Variants in TUSC3 observed in about 807,000 individuals in gnomAD.
TUSC3 encodes dolichyl-diphosphooligosaccharide--protein glycosyltransferase subunit TUSC3.
TUSC3 carries 45 observed loss-of-function variants against 44.8 expected under a neutral mutation model. The ratio of observed to expected loss-of-function variants is 1.00; its 90% CI spans 0.79 to 1.29. TUSC3 has a LOEUF of 1.29. Ranked by LOEUF, TUSC3 falls within the 50% of genes most tolerant of loss-of-function variation. The pLI, the probability that TUSC3 is intolerant of heterozygous loss-of-function variation, is 0.00. For missense variants in TUSC3, 519 were observed against 437.9 expected, an observed-to-expected ratio of 1.19 and a Z score of -1.65; for synonymous variants, 212 against 152.9, an observed-to-expected ratio of 1.39 and a Z score of -2.85.
chr8:15,824,226 C>G, the TUSC3 span, among the ~76,000 whole-genome samples: 3 of 151,950 alleles, frequency 2.0e-5, no homozygotes, highest in African/African-American at 4.8e-5. Flanking sequence ...TATTAATATC[C>G]GATTATTACC....
the TUSC3 span, among the ~76,000 whole-genome samples, chr8:15,805,790 T>C: frequency 3.9e-5 from 6 of 152,250 alleles, no homozygotes; most frequent in South Asian, 1.2e-3. Context: ...TGTTGTGTCC[T>C]GTGAGGTTTT....
chr8:15,726,185 A>G (rs1368187074), intron 6 of TUSC3, among the ~76,000 whole-genome samples: 1 of 152,168 alleles, frequency 6.6e-6, no homozygotes, highest in Non-Finnish European at 1.5e-5. Context: ...AATCAGGTTT[A>G]TTTCACATAC....
chr8:15,844,562 GT>G, the TUSC3 span, among the ~76,000 whole-genome samples: 1 of 152,094 alleles, frequency 6.6e-6, no homozygotes, highest in Non-Finnish European at 1.5e-5. Flanking sequence ...TCAGATTTAT[GT>G]TACTTTTTTC....
At chr8:15,468,623 A>G (rs1800445746) in intron 1 of TUSC3, among the ~76,000 whole-genome samples, 1 of 152,168 alleles carries the variant, frequency 6.6e-6, no homozygotes, top group African/African-American at 2.4e-5. Context: ...GGGCTTTAGT[A>G]ATAATCATCT....
At chr8:15,553,772 G>A (rs1335202051) in intron 1 of TUSC3, among the ~76,000 whole-genome samples, 1 of 151,672 alleles carries the variant, frequency 6.6e-6, no homozygotes, top group African/African-American at 2.4e-5. Context: ...GTGGTAGCTG[G>A]AGAAGAAGCT....
chr8:15,588,740 G>T (rs1415032387), intron 1 of TUSC3, among the ~76,000 whole-genome samples: 1 of 152,106 alleles, frequency 6.6e-6, no homozygotes, highest in Non-Finnish European at 1.5e-5. Flanking sequence ...TATGGTGAGA[G>T]ACAGGGTCCA....
At chr8:15,418,097 C>A (rs139516604) in intron 1 of TUSC3, among the ~76,000 whole-genome samples, 1 of 152,128 alleles carries the variant, frequency 6.6e-6, no homozygotes, top group Non-Finnish European at 1.5e-5. Flanking sequence ...TATTTTATGT[C>A]AAGGAAACCA....
chr8:15,710,722 A>G (rs1346458330), intron 6 of TUSC3, among the ~76,000 whole-genome samples: 3 of 151,494 alleles, frequency 2.0e-5, no homozygotes, highest in Non-Finnish European at 4.4e-5. Context: ...CTACAGAAAC[A>G]TATATAGGCA....
chr8:15,459,484 C>T lies in TUSC3; in HGVS notation n.92-23902C>T, dbSNP rs115816309. Among the ~76,000 whole-genome samples the T allele has an allele frequency of 2.0e-3, 301 of 151,368 alleles. 1 individual carries two copies. Among genetic ancestry groups the T allele is most frequent in the African/African-American group, 6.9e-3 (284 of 41,228 alleles). ...TATTTGATAATATTTTTTATTTTTC[C>T]GTAGGTTATTAGGGTACAGGTGGTG... is the stretch of plus-strand genomic sequence containing the variant. On this transcript the variant is annotated intron_variant and non_coding_transcript_variant, in intron 1 of 5. Transcript: ENST00000503191.
the TUSC3 span, among the ~76,000 whole-genome samples, chr8:15,819,854 C>G: frequency 6.6e-6 from 1 of 152,196 alleles, no homozygotes; most frequent in African/African-American, 2.4e-5. Flanking sequence ...TGATAAAAGA[C>G]AGAAGTGGGA....
intron 7 of TUSC3, among the ~76,000 whole-genome samples, chr8:15,736,868 G>C (rs1810959763): frequency 6.6e-6 from 1 of 152,064 alleles, no homozygotes; most frequent in South Asian, 2.1e-4. Flanking sequence ...CTGTATGAGT[G>C]GATATAGAAC....
chr8:15,749,535 T>C (rs1380238612), intron 9 of TUSC3, among the ~76,000 whole-genome samples: 2 of 151,928 alleles, frequency 1.3e-5, no homozygotes, highest in Non-Finnish European at 2.9e-5. Context: ...GAAATGTGGG[T>C]ATCAGATTTT....
chr8:15,470,771 T>C (rs1377478310), intron 1 of TUSC3, among the ~76,000 whole-genome samples: 1 of 152,102 alleles, frequency 6.6e-6, no homozygotes, highest in Non-Finnish European at 1.5e-5. Context: ...TTTCTCCAGT[T>C]CCTCTGGTTT....
chr8:15,529,940 G>GGCACCCACCACC (rs1563275380), intron 2 of TUSC3, among the ~76,000 whole-genome samples: 1 of 8,958 alleles, frequency 1.1e-4, no homozygotes, highest in East Asian at 1.6e-3. Flanking sequence ...TGGGACTACA[G>GGCACCCACCACC]GCGCCCGGCT....
At chr8:15,617,775 G>A (rs940336859) in intron 1 of TUSC3, among the ~76,000 whole-genome samples, 1 of 152,092 alleles carries the variant, frequency 6.6e-6, no homozygotes, top group African/African-American at 2.4e-5. Context: ...TTAAAGTTTG[G>A]TTTTTATTTT....
chr8:15,445,408 T>C (rs1044693459), intron 1 of TUSC3, among the ~76,000 whole-genome samples: 2 of 152,120 alleles, frequency 1.3e-5, no homozygotes, highest in Admixed American at 6.5e-5. Context: ...GTGGGAAGGT[T>C]AGCAGATAAA....
At chr8:15,531,346 G>A (rs1188325105) in intron 2 of TUSC3, among the ~76,000 whole-genome samples, 1 of 152,146 alleles carries the variant, frequency 6.6e-6, no homozygotes, top group East Asian at 1.9e-4. Context: ...CCATCTCCTG[G>A]GTTAAAGCGA....
chr8:15,615,295 T>C (rs930220780), intron 1 of TUSC3, among the ~76,000 whole-genome samples: 2 of 152,222 alleles, frequency 1.3e-5, no homozygotes, highest in Admixed American at 6.5e-5. Flanking sequence ...AAATGAAATC[T>C]TGCCATTCAC....
intron 5 of TUSC3, among the ~76,000 whole-genome samples, chr8:15,665,608 G>C (rs879605569): frequency 6.6e-6 from 1 of 150,710 alleles, no homozygotes; most frequent in East Asian, 1.9e-4. Context: ...TCCTGACATA[G>C]GAAATTAGTA....
Sources: allele counts gnomAD v4.1 joint callset (sites outside exome capture counted in the v4.1 genomes callset), GRCh38; gene constraint gnomAD v4.1.1; transcripts MANE v1.5; gene names NCBI Gene and HGNC (gene_info 2026-07-23, HGNC 2026-07-21).